TJP1: variants seen among roughly 807,000 people sequenced by gnomAD.
The protein encoded by TJP1 is tight junction protein 1.
Under a neutral mutation model 194.2 loss-of-function variants are expected in TJP1, and 43 were observed. That is an observed-to-expected ratio of 0.22 (90% CI 0.17 to 0.29). The LOEUF (loss-of-function observed/expected upper bound fraction) is 0.29, where lower values mean the gene tolerates loss of function less well. Among genes scored for constraint, TJP1 ranks in the 10% least tolerant of loss-of-function variants. The probability of loss-of-function intolerance (pLI) is 1.00; values close to 1 mark genes in which losing one functional copy is unlikely to be tolerated. For synonymous variants in TJP1, 801 were observed against 779.0 expected, an observed-to-expected ratio of 1.03 and a Z score of -0.47; for missense variants, 1,971 against 2,185.7, an observed-to-expected ratio of 0.90 and a Z score of 1.96.
intron 2 of TJP1, among the ~76,000 whole-genome samples, chr15:29,934,836 T>A (rs145415353): frequency 6.6e-6 from 1 of 152,384 alleles, no homozygotes; most frequent in Non-Finnish European, 1.5e-5. Context: ...GAAGGGTTGA[T>A]GTGACTTGAG....
At chr15:29,835,650 C>CAAA (rs11438507) in intron 2 of TJP1, among the ~76,000 whole-genome samples, 5 of 148,604 alleles carry the variant, frequency 3.4e-5, no homozygotes, top group Admixed American at 1.3e-4. Context: ...ACCCTAGCTG[C>CAAA]AAAAAAAAAA....
chr15:29,760,407 G>C (rs1018641702), intron 8 of TJP1: 2 of 605,070 alleles, frequency 3.3e-6, no homozygotes, highest in South Asian at 1.9e-5. Flanking sequence ...AAAGAGTTCC[G>C]CTCTGTCACC....
chr15:29,760,595 T>C (rs2045940149), intron 8 of TJP1, among the ~76,000 whole-genome samples: 1 of 152,188 alleles, frequency 6.6e-6, no homozygotes, highest in South Asian at 2.1e-4. Context: ...CAGGCTGGTC[T>C]TGATCTCCTG....
chr15:29,949,606 C>T (rs1168677480), intron 2 of TJP1, among the ~76,000 whole-genome samples: 16 of 104,656 alleles, frequency 1.5e-4, no homozygotes, highest in Middle Eastern at 7.1e-3. Flanking sequence ...CCACCACCTC[C>T]ACCTTCACCA....
intron 1 of TJP1, among the ~76,000 whole-genome samples, chr15:29,814,412 T>A (rs1488948504): frequency 6.6e-6 from 1 of 152,214 alleles, no homozygotes; most frequent in Admixed American, 6.5e-5. Flanking sequence ...TTAATATGTG[T>A]TAAGCTAACA....
intron 4 of TJP1, among the ~76,000 whole-genome samples, chr15:29,767,581 G>C (rs1319887827): frequency 6.6e-6 from 1 of 151,868 alleles, no homozygotes; most frequent in Non-Finnish European, 1.5e-5. Context: ...TTGCTGATGA[G>C]GCCCTCTGTA....
intron 2 of TJP1, among the ~76,000 whole-genome samples, chr15:29,829,613 C>G (rs1320524359): frequency 6.9e-6 from 1 of 143,906 alleles, no homozygotes; most frequent in African/African-American, 2.6e-5. Context: ...GCAGGGAGTG[C>G]CAAATTCATT....
intron 2 of TJP1, among the ~76,000 whole-genome samples, chr15:29,914,338 C>G (rs1226609824): frequency 6.6e-6 from 1 of 152,050 alleles, no homozygotes; most frequent in African/African-American, 2.4e-5. Flanking sequence ...ATAGAGCTCC[C>G]CTAATTGCTC....
At chr15:29,953,780 T>C (rs1347621596) in intron 2 of TJP1, among the ~76,000 whole-genome samples, 1 of 152,116 alleles carries the variant, frequency 6.6e-6, no homozygotes, top group Non-Finnish European at 1.5e-5. Context: ...AAAACTCAAA[T>C]GAATTGCAGA....
chr15:29,933,706 T>C (rs1241614217), intron 2 of TJP1, among the ~76,000 whole-genome samples: 1 of 152,118 alleles, frequency 6.6e-6, no homozygotes, highest in African/African-American at 2.4e-5. Context: ...TAGAGATCTG[T>C]TATCTGTCTA....
chr15:29,885,374 G>GT (rs1487435832), intron 2 of TJP1, among the ~76,000 whole-genome samples: 1 of 152,212 alleles, frequency 6.6e-6, no homozygotes, highest in African/African-American at 2.4e-5. Flanking sequence ...CATGGAGATA[G>GT]TATCTGGGAG....
chr15:29,711,522 C>T (rs985400042), intron 23 of TJP1, among the ~76,000 whole-genome samples: 10 of 152,106 alleles, frequency 6.6e-5, no homozygotes, highest in African/African-American at 1.4e-4. Flanking sequence ...CCAGCCACCA[C>T]GCCTGGCTAA....
intron 12 of TJP1, among the ~76,000 whole-genome samples, chr15:29,733,774 A>C (rs186219668): frequency 1.0e-3 from 156 of 152,306 alleles, no homozygotes; most frequent in African/African-American, 3.4e-3. Context: ...GAATGCCCCT[A>C]AACATCCACA....
At chr15:29,784,946 G>A (rs2047606091) in intron 2 of TJP1, among the ~76,000 whole-genome samples, 1 of 152,128 alleles carries the variant, frequency 6.6e-6, no homozygotes, top group Non-Finnish European at 1.5e-5. Flanking sequence ...AGTTGACAGA[G>A]GTAGATTACT....
chr15:29,964,510 T>C (rs1344452190), intron 1 of TJP1, among the ~76,000 whole-genome samples: 2 of 152,066 alleles, frequency 1.3e-5, no homozygotes, highest in African/African-American at 2.4e-5. Context: ...CCACAAAGAA[T>C]GTTCGAAAGA....
intron 8 of TJP1, among the ~76,000 whole-genome samples, chr15:29,744,982 T>C (rs1031099878): frequency 1.3e-5 from 2 of 152,164 alleles, no homozygotes; most frequent in Admixed American, 1.3e-4. Context: ...GGGTGCAAGA[T>C]TAGTTCGACA....
At chr15:29,761,821 T>A in intron 6 of TJP1, 52 bp from the exon 7 acceptor site, 1 of 1,423,448 alleles carries the variant, frequency 7.0e-7, no homozygotes. Context: ...AATACAAATG[T>A]TAACTTAGTT....
chr15:29,705,793 G>A, intron 25 of TJP1, 48 bp from the exon 26 acceptor site: 1 of 1,555,322 alleles, frequency 6.4e-7, no homozygotes, highest in Non-Finnish European at 8.9e-7. Context: ...TAATACACAG[G>A]TGCTTTGCTT....
At chr15:29,798,222 C>T (rs2048541097) in intron 2 of TJP1, among the ~76,000 whole-genome samples, 1 of 151,718 alleles carries the variant, frequency 6.6e-6, no homozygotes, top group Non-Finnish European at 1.5e-5. Context: ...CCACCAGCCT[C>T]TCCCTCCCAA....
Sources: gnomAD v4.1 joint callset for allele counts (sites outside exome capture counted in the v4.1 genomes callset) on GRCh38, gnomAD v4.1.1 for gene constraint, MANE v1.5 for transcripts, NCBI Gene and HGNC (gene_info 2026-07-23, HGNC 2026-07-21) for gene names.